ARHGEF10: variants seen among roughly 807,000 people sequenced by gnomAD.
ARHGEF10 encodes Rho guanine nucleotide exchange factor (GEF) 10.
ARHGEF10 carries 140 observed loss-of-function variants against 147.4 expected under a neutral mutation model. The observed-to-expected ratio is 0.95, with a 90% CI of 0.83 to 1.09. The LOEUF (loss-of-function observed/expected upper bound fraction) is 1.09. Among genes scored for constraint, ARHGEF10 ranks in the 50% least tolerant of loss-of-function variants. The pLI, the probability that ARHGEF10 is intolerant of heterozygous loss-of-function variation, is 0.00. For synonymous variants in ARHGEF10, 902 were observed against 695.8 expected (o/e 1.30, Z -4.67); for missense variants, 2,222 against 1,752.7 (o/e 1.27, Z -4.78).
chr8:1,836,749 C>T (rs1409788540), intron 1 of ARHGEF10, among the ~76,000 whole-genome samples: 3 of 152,142 alleles, frequency 2.0e-5, no homozygotes, highest in Non-Finnish European at 4.4e-5. Flanking sequence ...CAAATCTCAA[C>T]TTGAATTGTA....
intron 2 of ARHGEF10, among the ~76,000 whole-genome samples, chr8:1,845,262 G>A (rs929962835): frequency 2.6e-5 from 4 of 152,154 alleles, no homozygotes; most frequent in South Asian, 2.1e-4. Context: ...TACCCTCCAC[G>A]GGCCCACTTT....
In ARHGEF10 at chr8:1,858,989, A is replaced by G. The variant is rs186185071; in HGVS notation, c.193+874A>G. On this transcript the variant is annotated intron_variant, in intron 3 of 28. Coordinates refer to ENST00000349830, the MANE Select transcript of ARHGEF10 (RefSeq NM_014629.4). ...TAGCACCAGCCTCTCGGTTCTTTGC[A>G]TGGTTTCTTTGTGCGTAGCGCCAGC... is the stretch of plus-strand genomic sequence containing the variant. 3.4e-5 allele frequency among the ~76,000 whole-genome samples: 5 copies of G among 145,240 alleles called. No homozygotes were observed. The East Asian group carries it at 6.2e-4, about 18-fold the overall frequency.
chr8:1,880,112 G>C lies in ARHGEF10; in HGVS notation c.908G>C (p.Ser303Thr), dbSNP rs1331420861. 6.2e-7 allele frequency: 1 copy of C among 1,614,198 alleles called. No homozygotes were observed. The highest frequency in any genetic ancestry group is 2.2e-5 in the East Asian group (1 of 44,892). Residue 303 changes from serine to threonine, a missense_variant, in exon 9 of 29, where the codon AGC becomes ACC. Physicochemically the swap from Ser to Thr is moderately conservative, Grantham distance 58. Transcript: ENST00000349830. ...YEKKMRDLMA[S>T]TVGVVEIQQL... ...AAAAAGATGAGAGATTTGATGGCAA[G>C]CACGGTGGGCGTGGTGGAGATTCAG...
At chr8:1,956,202 C>T (rs1403777574) in intron 28 of ARHGEF10, among the ~76,000 whole-genome samples, 2 of 152,134 alleles carry the variant, frequency 1.3e-5, no homozygotes, top group Non-Finnish European at 2.9e-5. Context: ...CTGATACGAT[C>T]GTGACTTTAA....
intron 2 of ARHGEF10, among the ~76,000 whole-genome samples, chr8:1,854,065 C>G (rs1432294743): frequency 1.3e-5 from 2 of 152,218 alleles, no homozygotes; most frequent in Non-Finnish European, 2.9e-5. Flanking sequence ...AACTTAGGAC[C>G]CCAAATGCTG....
chr8:1,955,580 T>C (rs1019396151), intron 28 of ARHGEF10, among the ~76,000 whole-genome samples: 44 of 137,868 alleles, frequency 3.2e-4, no homozygotes, highest in Admixed American at 5.0e-4. Context: ...GCTAGGTGCA[T>C]CCTGAAAGGA....
intron 18 of ARHGEF10, among the ~76,000 whole-genome samples, chr8:1,921,136 C>G (rs560454116): frequency 6.6e-6 from 1 of 152,238 alleles, no homozygotes; most frequent in South Asian, 2.1e-4. Context: ...TTAGTAATTG[C>G]ATTTGTCTAG....
chr8:1,912,760 C>G (rs781286392), intron 18 of ARHGEF10, among the ~76,000 whole-genome samples: 3 of 152,094 alleles, frequency 2.0e-5, no homozygotes, highest in African/African-American at 2.4e-5. Context: ...CCCTATGGAT[C>G]CATGGATTGG....
At chr8:1,897,592 C>T (rs3758008) in intron 14 of ARHGEF10, among the ~76,000 whole-genome samples, 17,312 of 148,702 alleles carry the variant, frequency 0.12, 1,547 homozygotes, top group East Asian at 0.3. Flanking sequence ...ATCGCAGTTC[C>T]CACTCTCGAC....
chr8:1,871,520 G>T (rs1217116934), intron 7 of ARHGEF10, among the ~76,000 whole-genome samples: 1 of 152,032 alleles, frequency 6.6e-6, no homozygotes, highest in Non-Finnish European at 1.5e-5. Flanking sequence ...AGACATAATG[G>T]CATATGTTAA....
intron 1 of ARHGEF10, among the ~76,000 whole-genome samples, chr8:1,839,157 C>A (rs1361531518): frequency 1.3e-4 from 15 of 111,302 alleles, no homozygotes; most frequent in Non-Finnish European, 1.9e-4. Flanking sequence ...GGGGACTGTC[C>A]GGTGTGGGGA....
At chr8:1,902,369 C>T (rs1192917119) in intron 15 of ARHGEF10, among the ~76,000 whole-genome samples, 2 of 152,162 alleles carry the variant, frequency 1.3e-5, no homozygotes, top group Non-Finnish European at 2.9e-5. Context: ...TGCCTGTTAA[C>T]GTTTATCCTG....
At chr8:1,880,216 A>G (rs1808066946) in intron 9 of ARHGEF10, 52 bp downstream of exon 9, 1 of 1,319,420 alleles carries the variant, frequency 7.6e-7, no homozygotes, top group Admixed American at 1.7e-5. Context: ...GGCAGTAAAG[A>G]AAAACCGCGC....
intron 27 of ARHGEF10, among the ~76,000 whole-genome samples, chr8:1,951,348 A>G (rs949969686): frequency 7.9e-5 from 12 of 152,390 alleles, no homozygotes; most frequent in South Asian, 4.1e-4. Context: ...GCTTACGTAC[A>G]GGACAGCGCT....
At chr8:1,876,499 C>T in intron 7 of ARHGEF10, 72 bp from the exon 8 acceptor site, 10 of 1,493,932 alleles carry the variant, frequency 6.7e-6, no homozygotes, top group African/African-American at 4.1e-5. Flanking sequence ...TTTGGTAAAA[C>T]CACAAACAGG....
intron 15 of ARHGEF10, 134 bp downstream of exon 15, chr8:1,898,659 G>A: frequency 1.1e-6 from 1 of 931,426 alleles, no homozygotes; most frequent in Non-Finnish European, 1.7e-6. Flanking sequence ...GCAGTTACAG[G>A]AGGTGGAGGG....
intron 28 of ARHGEF10, among the ~76,000 whole-genome samples, chr8:1,956,338 C>G (rs1042128001): frequency 1.3e-5 from 2 of 152,198 alleles, no homozygotes; most frequent in African/African-American, 4.8e-5. Flanking sequence ...TTAGTCATTT[C>G]TTTCCCAAAC....
In ARHGEF10 at chr8:1,905,686, ATG is replaced by A; in HGVS notation, c.1941_1942del (p.Leu648AsnfsTer12). 6.2e-7 allele frequency: 1 copy of A among 1,614,134 alleles called. No homozygotes were observed. Among genetic ancestry groups the A allele is most frequent in the Non-Finnish European group, 8.5e-7 (1 of 1,180,040 alleles). ...GAACGCCGAGTCTTCATGTTAAATGATGTGTTAATGTGTGCCACCGTCAGCTC... is the reference window on the plus strand; with the variant it reads ...GAACGCCGAGTCTTCATGTTAAATGATGTTAATGTGTGCCACCGTCAGCTC... On this transcript the variant is annotated frameshift_variant, in exon 17 of 29. Coordinates refer to ENST00000349830, the MANE Select transcript of ARHGEF10 (RefSeq NM_014629.4). LOFTEE classifies it high-confidence loss of function.
intron 23 of ARHGEF10, 114 bp downstream of exon 23, chr8:1,926,577 C>A (rs777987540): frequency 1.1e-6 from 1 of 934,492 alleles, no homozygotes; most frequent in Non-Finnish European, 1.7e-6. Flanking sequence ...GGTGGCGTAT[C>A]CCAGAGTGTA....
Sources: gnomAD v4.1 joint callset for allele counts (sites outside exome capture counted in the v4.1 genomes callset) on GRCh38, gnomAD v4.1.1 for gene constraint, MANE v1.5 for transcripts, NCBI Gene and HGNC (gene_info 2026-07-23, HGNC 2026-07-21) for gene names.